Variants in SLMAP observed in about 807,000 individuals in gnomAD.
SLMAP encodes the protein sarcolemma associated protein, also known as sarcolemmal membrane-associated protein.
In SLMAP, 44 loss-of-function variants were observed where a neutral mutation model predicts 128.8. The observed-to-expected ratio is 0.34, with a 90% CI of 0.27 to 0.44. The LOEUF (loss-of-function observed/expected upper bound fraction) is 0.44. Among genes scored for constraint, SLMAP ranks in the 20% least tolerant of loss-of-function variants. The pLI, the probability that SLMAP is intolerant of heterozygous loss-of-function variation, is 1.00. For synonymous variants in SLMAP, 327 were observed against 348.8 expected (o/e 0.94, Z 0.70); for missense variants, 787 against 985.3 (o/e 0.80, Z 2.69).
At chr3:57,892,323 TC>T (rs1170874816) in intron 15 of SLMAP, among the ~76,000 whole-genome samples, 1 of 152,204 alleles carries the variant, frequency 6.6e-6, no homozygotes, top group Middle Eastern at 3.2e-3. Flanking sequence ...TCTTACCTCT[TC>T]TCTTACCTCT....
intron 2 of SLMAP, among the ~76,000 whole-genome samples, chr3:57,813,489 A>G (rs2091362813): frequency 6.6e-6 from 1 of 152,178 alleles, no homozygotes. Flanking sequence ...AGCCTTCTGT[A>G]TCCATGGGTT....
chr3:57,828,629 A>T (rs924885502), intron 2 of SLMAP, among the ~76,000 whole-genome samples: 5 of 152,186 alleles, frequency 3.3e-5, no homozygotes, highest in Non-Finnish European at 7.3e-5. Context: ...AAGGTGTTTG[A>T]AAGCCATTAG....
chr3:57,822,115 A>T (rs1041755810), intron 2 of SLMAP, among the ~76,000 whole-genome samples: 3 of 152,156 alleles, frequency 2.0e-5, no homozygotes, highest in Admixed American at 6.5e-5. Flanking sequence ...ATGGATGTGC[A>T]GTCTCTCCAA....
chr3:57,860,871 T>C, intron 9 of SLMAP, 32 bp downstream of exon 9: 1 of 1,513,626 alleles, frequency 6.6e-7, no homozygotes, highest in South Asian at 1.2e-5. Context: ...TACTAAATAG[T>C]ATTATGAGTG....
At chr3:57,837,965 G>A (rs1049318890) in intron 3 of SLMAP, among the ~76,000 whole-genome samples, 6 of 152,048 alleles carry the variant, frequency 3.9e-5, no homozygotes, top group African/African-American at 1.4e-4. Flanking sequence ...TTTTTAAATT[G>A]CCTTCAACTG....
chr3:57,887,113 A>C (rs946390549), intron 14 of SLMAP, among the ~76,000 whole-genome samples: 1 of 152,218 alleles, frequency 6.6e-6, no homozygotes, highest in Admixed American at 6.5e-5. Flanking sequence ...CACACTGAGG[A>C]ATATGAAATT....
At chr3:57,837,405 G>C (rs1373685822) in intron 3 of SLMAP, among the ~76,000 whole-genome samples, 1 of 152,160 alleles carries the variant, frequency 6.6e-6, no homozygotes, top group Non-Finnish European at 1.5e-5. Context: ...GTCTCACTCT[G>C]TTGGCCAGGC....
intron 2 of SLMAP, among the ~76,000 whole-genome samples, chr3:57,791,908 T>A (rs1292677117): frequency 6.6e-6 from 1 of 152,116 alleles, no homozygotes; most frequent in Non-Finnish European, 1.5e-5. Context: ...AACAGATAAA[T>A]CAAAAACAGT....
intron 2 of SLMAP, among the ~76,000 whole-genome samples, chr3:57,823,212 TA>T (rs1319797277): frequency 2.0e-4 from 30 of 152,302 alleles, no homozygotes; most frequent in African/African-American, 6.3e-4. Context: ...TTGGGTAATT[TA>T]TTTTTTTATT....
At chr3:57,907,067 G>T (rs1426338400) in intron 17 of SLMAP, among the ~76,000 whole-genome samples, 4 of 150,666 alleles carry the variant, frequency 2.7e-5, no homozygotes, top group African/African-American at 4.9e-5. Context: ...TCACTCTGTT[G>T]CCCAGGCTGG....
intron 6 of SLMAP, among the ~76,000 whole-genome samples, chr3:57,855,475 G>T (rs2094722902): frequency 6.6e-6 from 1 of 152,086 alleles, no homozygotes; most frequent in Admixed American, 6.6e-5. Context: ...GCTGCTCTGG[G>T]TGAGTCATTA....
At chr3:57,768,940 C>G (rs1015589783) in intron 2 of SLMAP, among the ~76,000 whole-genome samples, 2 of 152,102 alleles carry the variant, frequency 1.3e-5, no homozygotes, top group Non-Finnish European at 2.9e-5. Context: ...TTCATACTTG[C>G]CAGCACCCCC....
intron 6 of SLMAP, among the ~76,000 whole-genome samples, chr3:57,855,720 AAAAAAC>A (rs1394092430): frequency 2.7e-5 from 4 of 149,110 alleles, no homozygotes; most frequent in African/African-American, 5.0e-5. Context: ...TTAAAAAAAA[AAAAAAC>A]AAAAAAAAAA....
chr3:57,925,033 C>G (rs969573353), intron 23 of SLMAP, among the ~76,000 whole-genome samples: 1 of 149,912 alleles, frequency 6.7e-6, no homozygotes, highest in Non-Finnish European at 1.5e-5. Flanking sequence ...CACCTCACTT[C>G]AGCCTTGACC....
rs375629090 is a variant in SLMAP at position 57,868,697 on chromosome 3, A to C, written c.1238-2939A>C. Among the ~76,000 whole-genome samples, 95 of 150,846 alleles carry C rather than the reference A, an allele frequency of 6.3e-4. 1 individual carries two copies. The East Asian group carries it at 0.016, about 26-fold the overall frequency. On this transcript the variant is annotated intron_variant, in intron 13 of 24. Coordinates refer to ENST00000671191, the MANE Select transcript of SLMAP (RefSeq NM_001377540.1). Reference sequence around the variant, plus strand: ...AACTATGATTGTGCCACTGTACTCCAGCCTGGACAACAGAGTAAGACCCTG... The same window carrying C: ...AACTATGATTGTGCCACTGTACTCCCGCCTGGACAACAGAGTAAGACCCTG...
rs1444785203 is a variant in SLMAP, at chr3:57,923,015, G to A, written c.2437G>A (p.Gly813Arg). 1.9e-6 allele frequency: 3 copies of A among 1,613,482 alleles called. No homozygotes were observed. In the South Asian group the frequency reaches 3.3e-5, roughly 18 times the overall value. ...CAACCTGAAGCTGCTCCGAGAGAAA[G>A]GAAATAATGTAAGTCTTTGCAAACT... Reference protein sequence around the residue: ...KNNLKLLREKGNNPSILQPVP... With the variant: ...KNNLKLLREKRNNPSILQPVP... The change falls in exon 23 of 25, where the codon GGA becomes AGA. Residue 813 changes from glycine to arginine, a missense_variant. Physicochemically the swap from Gly to Arg is moderately radical, Grantham distance 125. Coordinates refer to ENST00000671191, the MANE Select transcript of SLMAP (RefSeq NM_001377540.1).
chr3:57,908,713 T>C (rs535993983), intron 18 of SLMAP, among the ~76,000 whole-genome samples: 1 of 152,240 alleles, frequency 6.6e-6, no homozygotes, highest in Non-Finnish European at 1.5e-5. Context: ...TTATTTAGTT[T>C]AGTGTTTACT....
At chr3:57,781,988 C>T (rs564251698) in intron 2 of SLMAP, among the ~76,000 whole-genome samples, 6 of 152,264 alleles carry the variant, frequency 3.9e-5, no homozygotes, top group Admixed American at 2.0e-4. Flanking sequence ...CCATGTCAGC[C>T]TTCCAAAGTG....
At chr3:57,868,497 G>A (rs1247915353) in intron 13 of SLMAP, among the ~76,000 whole-genome samples, 1 of 151,884 alleles carries the variant, frequency 6.6e-6, no homozygotes, top group Non-Finnish European at 1.5e-5. Context: ...AGGCTAAGCA[G>A]GGAAGACTGC....
Sources: allele counts gnomAD v4.1 joint callset (sites outside exome capture counted in the v4.1 genomes callset), GRCh38; gene constraint gnomAD v4.1.1; transcripts MANE v1.5; gene names NCBI Gene and HGNC (gene_info 2026-07-23, HGNC 2026-07-21).